Variants in ZDHHC11B observed in about 807,000 individuals in gnomAD.
ZDHHC11B encodes the protein probable palmitoyltransferase ZDHHC11B.
A neutral mutation model predicts 42.3 loss-of-function variants in ZDHHC11B; 17 were observed. That is an observed-to-expected ratio of 0.40 (90% confidence interval 0.27 to 0.60). The LOEUF is 0.60. Among genes scored for constraint, ZDHHC11B ranks in the 20% least tolerant of loss-of-function variants. ZDHHC11B has a pLI of 0.41. For missense variants in ZDHHC11B, 262 were observed against 463.2 expected (o/e 0.57, Z 3.99); for synonymous variants, 123 against 193.5 (o/e 0.64, Z 3.02).
intron 10 of ZDHHC11B, among the ~76,000 whole-genome samples, 174 bp from the exon 11 acceptor site, chr5:734,013 C>T (rs55847119): frequency 0.29 from 37,651 of 130,744 alleles, 4,449 homozygotes; most frequent in African/African-American, 0.46. Context: ...GCGTTATGTG[C>T]AGTGGCACAC....
chr5:771,444 GCATGGGGGCAGGGTCT>G (rs1391605389), intron 1 of ZDHHC11B, among the ~76,000 whole-genome samples: 1 of 151,062 alleles, frequency 6.6e-6, no homozygotes, highest in Non-Finnish European at 1.5e-5. Flanking sequence ...GGGCTGGGCC[GCATGGGGGCAGGGTCT>G]CATGGGGGCA....
Position 759,934 on chromosome 5 carries a change from G to A in ZDHHC11B, c.223-3790C>T, listed in dbSNP as rs1734372248. ...GCTGGCCAAGGGGCCCGAGGGGGTC[G>A]CTGAGGTGCAGGCATGGGGAGTGCA... On this transcript the variant is annotated intron_variant, in intron 4 of 13. Transcript: ENST00000508859. Among the ~76,000 whole-genome samples the A allele has an allele frequency of 1.3e-5, 2 of 151,886 alleles. 1 individual carries two copies. The highest frequency in any genetic ancestry group is 1.3e-4 in the Admixed American group (2 of 15,242).
intron 6 of ZDHHC11B, among the ~76,000 whole-genome samples, chr5:751,843 C>T (rs1322492522): frequency 8.3e-6 from 1 of 119,942 alleles, no homozygotes; most frequent in African/African-American, 2.6e-5. Flanking sequence ...TTCTTGCAAA[C>T]GTGATTGCCT....
At chr5:721,316 A>T (rs1472444235) in intron 12 of ZDHHC11B, among the ~76,000 whole-genome samples, 1 of 151,322 alleles carries the variant, frequency 6.6e-6, no homozygotes, top group Non-Finnish European at 1.5e-5. Flanking sequence ...ACAAAATGCA[A>T]AAAGCTAAAT....
rs79917634 is a variant in ZDHHC11B, at chr5:758,750, C to A, written c.223-2606G>T. ...GGGACTCAAAGCTTTTTTCATGGAA[C>A]CAGGTTGAAGCAAATCTTTCACCGC... On this transcript the variant is annotated intron_variant, in intron 4 of 13. Coordinates refer to ENST00000508859, the MANE Select transcript of ZDHHC11B (RefSeq NM_001351303.2). 2.1e-3 allele frequency among the ~76,000 whole-genome samples: 323 copies of A among 151,596 alleles called. 1 individual carries two copies. The highest frequency in any genetic ancestry group is 7.0e-3 in the African/African-American group (288 of 41,108).
chr5:774,997 ACAT>A (rs1330236914), intron 1 of ZDHHC11B, among the ~76,000 whole-genome samples: 2 of 151,994 alleles, frequency 1.3e-5, no homozygotes, highest in Admixed American at 6.6e-5. Context: ...GGCCATGCTC[ACAT>A]CATCAGCAGT....
At chr5:742,329 G>C (rs1481412978) in intron 9 of ZDHHC11B, among the ~76,000 whole-genome samples, 1 of 146,674 alleles carries the variant, frequency 6.8e-6, no homozygotes, top group African/African-American at 2.5e-5. Flanking sequence ...TTATGTTTTT[G>C]TTTGTTTGTT....
intron 11 of ZDHHC11B, among the ~76,000 whole-genome samples, chr5:731,149 T>C (rs1742993249): frequency 6.6e-6 from 1 of 151,482 alleles, no homozygotes; most frequent in Non-Finnish European, 1.5e-5. Context: ...TTTGCCAAAC[T>C]GCTCGCCAAT....
chr5:718,586 C>T (rs1741949545), intron 12 of ZDHHC11B, among the ~76,000 whole-genome samples: 1 of 151,008 alleles, frequency 6.6e-6, no homozygotes, highest in South Asian at 2.1e-4. Context: ...GTCCCAGTTA[C>T]TCGGGAGGCT....
chr5:755,288 G>T (rs1305512669), intron 5 of ZDHHC11B, among the ~76,000 whole-genome samples, 189 bp from the exon 6 acceptor site: 2 of 136,184 alleles, frequency 1.5e-5, no homozygotes, highest in African/African-American at 5.2e-5. Context: ...GAGAAGCAGG[G>T]CAGCTGTGGG....
chr5:749,873 C>T (rs1206226766), intron 7 of ZDHHC11B, among the ~76,000 whole-genome samples: 6 of 122,774 alleles, frequency 4.9e-5, no homozygotes, highest in African/African-American at 1.4e-4. Flanking sequence ...GGCTTGGGTC[C>T]GCTGAGGTCA....
At chr5:716,624 A>C (rs1438472581) in intron 13 of ZDHHC11B, among the ~76,000 whole-genome samples, 177 bp downstream of exon 13, 6 of 151,796 alleles carry the variant, frequency 4.0e-5, no homozygotes, top group African/African-American at 1.2e-4. Flanking sequence ...GCCATGCACT[A>C]CTTCTAAAGA....
chr5:770,346 CTG>C (rs1259259375), intron 1 of ZDHHC11B, among the ~76,000 whole-genome samples: 1 of 150,038 alleles, frequency 6.7e-6, no homozygotes, highest in Non-Finnish European at 1.5e-5. Context: ...GCCTTGCCCA[CTG>C]CCATCATTGG....
intron 8 of ZDHHC11B, 22 bp from the exon 9 acceptor site, chr5:745,320 C>T (rs1202437588): frequency 1.3e-6 from 2 of 1,582,150 alleles, no homozygotes; most frequent in African/African-American, 1.4e-5. Context: ...AAAGGAGGAA[C>T]AGGACAAGTT....
intron 4 of ZDHHC11B, among the ~76,000 whole-genome samples, chr5:763,085 A>G (rs1419528717): frequency 6.6e-6 from 1 of 151,912 alleles, no homozygotes; most frequent in Non-Finnish European, 1.5e-5. Context: ...AACACAACCT[A>G]TCAGCTAGGC....
At chr5:741,927 T>G (rs1167578462) in intron 9 of ZDHHC11B, among the ~76,000 whole-genome samples, 1 of 86,222 alleles carries the variant, frequency 1.2e-5, no homozygotes, top group Non-Finnish European at 2.2e-5. Context: ...CGCAGGAGAC[T>G]TGCAATTTCT....
chr5:741,973 T>G (rs364673), intron 9 of ZDHHC11B, among the ~76,000 whole-genome samples: 5 of 134,450 alleles, frequency 3.7e-5, no homozygotes, highest in Admixed American at 2.5e-4. Flanking sequence ...TGTCTGTCTT[T>G]TTGATGACAG....
chr5:753,718 C>T (rs541176469), intron 6 of ZDHHC11B, among the ~76,000 whole-genome samples: 4 of 148,570 alleles, frequency 2.7e-5, no homozygotes, highest in Admixed American at 6.9e-5. Context: ...CCTCTGGACT[C>T]GCTGTGCGGT....
chr5:749,639 G>A (rs2335612), intron 7 of ZDHHC11B, among the ~76,000 whole-genome samples: 9,131 of 127,056 alleles, frequency 0.072, 760 homozygotes, highest in East Asian at 0.23. Flanking sequence ...AACAGCAAAC[G>A]GAGGAATTCG....
Sources: gnomAD v4.1 joint callset for allele counts (sites outside exome capture counted in the v4.1 genomes callset) on GRCh38, gnomAD v4.1.1 for gene constraint, MANE v1.5 for transcripts, NCBI Gene and HGNC (gene_info 2026-07-23, HGNC 2026-07-21) for gene names.